The following ELP2 variants were observed in gnomAD, a reference collection of about 807,000 sequenced individuals.
ELP2 encodes elongator complex protein 2.
In ELP2, 90 loss-of-function variants were observed where a neutral mutation model predicts 119.2. That is an observed-to-expected ratio of 0.75 (90% CI 0.64 to 0.90). The LOEUF (loss-of-function observed/expected upper bound fraction) is 0.90, where lower values mean the gene tolerates loss of function less well. Ranked by LOEUF, ELP2 falls within the 40% of genes least tolerant of loss-of-function variation. The probability of loss-of-function intolerance (pLI) is 0.00; values close to 1 mark genes in which losing one functional copy is unlikely to be tolerated. For synonymous variants in ELP2, 339 were observed against 331.0 expected, an observed-to-expected ratio of 1.02 and a Z score of -0.26; for missense variants, 921 against 967.8, an observed-to-expected ratio of 0.95 and a Z score of 0.64.
chr18:36,163,049 C>T (rs2090787327), intron 17 of ELP2, among the ~76,000 whole-genome samples: 1 of 152,052 alleles, frequency 6.6e-6, no homozygotes, highest in Admixed American at 6.6e-5. Flanking sequence ...GTATTTCATT[C>T]CTCAACCCCT....
intron 12 of ELP2, among the ~76,000 whole-genome samples, chr18:36,155,957 G>A (rs774284302): frequency 6.6e-6 from 1 of 152,206 alleles, no homozygotes; most frequent in East Asian, 1.9e-4. Context: ...CTGTAGGGTA[G>A]GGCTATAGGT....
intron 12 of ELP2, among the ~76,000 whole-genome samples, chr18:36,156,078 ACTG>A (rs2090563550): frequency 6.6e-6 from 1 of 152,128 alleles, no homozygotes; most frequent in Non-Finnish European, 1.5e-5. Context: ...TAAACTTTGA[ACTG>A]CTATGTGGTA....
chr18:36,146,031 G>A lies in ELP2; in HGVS notation c.976G>A (p.Gly326Arg). 6.2e-7 allele frequency: 1 copy of A among 1,613,982 alleles called. No individual in the cohort carries two copies. Among genetic ancestry groups the A allele is most frequent in the Non-Finnish European group, 8.5e-7 (1 of 1,179,896 alleles). ...MILWAPDEES[G>R]VWLEQVRVGE... is the part of the protein sequence containing the mutation. ...TCTCTGGGCTCCAGATGAAGAGTCA[G>A]GAGTTTGGCTAGAACAGGTAAAAAT... The change falls in exon 10 of 22, where the codon GGA (glycine) becomes AGA (arginine). Residue 326 changes from glycine (G) to arginine (R), a missense_variant. Physicochemically the swap from Gly to Arg is moderately radical, Grantham distance 125. Transcript: ENST00000358232.
intron 17 of ELP2, among the ~76,000 whole-genome samples, chr18:36,162,542 T>C (rs1041455687): frequency 6.6e-6 from 1 of 152,216 alleles, no homozygotes; most frequent in African/African-American, 2.4e-5. Context: ...TATGTACAAA[T>C]CTTTGCATGG....
Position 36,159,985 on chromosome 18 carries a change from A to G in ELP2, c.1658A>G (p.Gln553Arg), listed in dbSNP as rs1452096232. The G allele has an allele frequency of 2.5e-6, 4 of 1,614,120 alleles. No homozygotes were observed. Among genetic ancestry groups the G allele is most frequent in the South Asian group, 2.2e-5 (2 of 91,082 alleles). ...TEPPTEDHLLQNTLWPEVQKL... is the reference protein window; with the variant it reads ...TEPPTEDHLLRNTLWPEVQKL... ...CCTCCCACTGAGGATCATCTTCTGC[A>G]GAATACTTTGTGGCCTGAAGTTCAA... is the stretch of plus-strand genomic sequence containing the variant. The change falls in exon 16 of 22, where the codon CAG (glutamine) becomes CGG (arginine). Residue 553 changes from glutamine (Q) to arginine (R), a missense_variant. Gln to Arg is a conservative substitution (Grantham distance 43). Coordinates refer to ENST00000358232, the MANE Select transcript of ELP2 (RefSeq NM_018255.4).
chr18:36,160,049 T>A lies in ELP2; in HGVS notation c.1688+34T>A, dbSNP rs759170002. On this transcript the variant is annotated intron_variant, in intron 16 of 21. Coordinates refer to ENST00000358232, the MANE Select transcript of ELP2 (RefSeq NM_018255.4). The stretch of plus-strand genomic sequence containing the variant: ...AACTGTATTTAGCTCTTTGGTCTGA[T>A]TCTGTCGTAACTTCTGACTTTTCCT... 31 of 1,607,530 alleles carry A rather than the reference T, an allele frequency of 1.9e-5. 1 individual carries two copies. The South Asian group carries it at 3.3e-4, about 17-fold the overall frequency.
rs2090725106 is a variant in ELP2 at position 36,161,062 on chromosome 18, CT to C, written c.1761+59del. Reference sequence around the variant, plus strand: ...ACAGGTTATTTGGGTCATCAGGCTCCTGCAAGTTTGGTAATGATTTAGGCAG... The same window carrying C: ...ACAGGTTATTTGGGTCATCAGGCTCCGCAAGTTTGGTAATGATTTAGGCAG... On this transcript the variant is annotated intron_variant, in intron 17 of 21. Coordinates refer to ENST00000358232, the MANE Select transcript of ELP2 (RefSeq NM_018255.4). The C allele has an allele frequency of 7.8e-6, 10 of 1,288,068 alleles. No individual in the cohort carries two copies. The Admixed American group carries it at 1.7e-4, about 22-fold the overall frequency. 79.8% of individuals were successfully genotyped at this position (1,288,068 alleles called of 1,614,324 possible).
At chr18:36,163,257 G>A (rs954347644) in intron 17 of ELP2, among the ~76,000 whole-genome samples, 4 of 115,460 alleles carry the variant, frequency 3.5e-5, no homozygotes, top group Admixed American at 8.9e-5. Context: ...TTTTATGGCC[G>A]AGTAGTAGTT....
intron 2 of ELP2, 50 bp downstream of exon 2, chr18:36,133,366 A>T: frequency 1.4e-6 from 2 of 1,406,220 alleles, no homozygotes; most frequent in Non-Finnish European, 2.0e-6. Context: ...TTCTGATAAA[A>T]TAAGGTTAGC....
intron 11 of ELP2, among the ~76,000 whole-genome samples, chr18:36,154,117 A>G (rs1438740301): frequency 1.6e-5 from 2 of 128,736 alleles, no homozygotes; most frequent in African/African-American, 6.0e-5. Flanking sequence ...TCACAGACTT[A>G]TCCATCAGAT....
intron 16 of ELP2, 74 bp from the exon 17 acceptor site, chr18:36,160,858 T>C (rs993146876): frequency 2.0e-5 from 20 of 1,002,446 alleles, no homozygotes; most frequent in Non-Finnish European, 3.2e-5. Context: ...TGTTATTCTT[T>C]TTACTTTCAA....
intron 15 of ELP2, 56 bp from the exon 16 acceptor site, chr18:36,159,902 A>G (rs889888876): frequency 2.1e-5 from 34 of 1,605,712 alleles, no homozygotes; most frequent in Non-Finnish European, 2.9e-5. Context: ...GCTGACCTAA[A>G]TAAGTGCTAT....
At position 36,133,897 on chromosome 18, in the gene ELP2, G is replaced by GT. The variant is rs57135329; in HGVS notation, c.217+611dup. Among the ~76,000 whole-genome samples the GT allele has an allele frequency of 4.0e-3, 241 of 60,808 alleles. 16 individuals are homozygous for GT. The highest frequency in any genetic ancestry group is 8.9e-3 in the African/African-American group (122 of 13,784). The allele number at this position is 60,808 out of a possible 152,430, so 39.9% of individuals were successfully genotyped here. A position where few individuals can be genotyped will look rare whatever the true frequency, so the allele number is the denominator to read the frequency against. On this transcript the variant is annotated intron_variant, in intron 2 of 21. Coordinates refer to ENST00000358232, the MANE Select transcript of ELP2 (RefSeq NM_018255.4). Reference sequence around the variant, plus strand: ...ACCACGCCTTTCTAGTTTTTTAGGGGTTTTTTTTTTTTTTTTTTTTTTTTT... The same window carrying GT: ...ACCACGCCTTTCTAGTTTTTTAGGGGTTTTTTTTTTTTTTTTTTTTTTTTTT...
rs1651455826 is a variant in ELP2 at position 36,167,165 on chromosome 18, G to A, written c.2019G>A (p.Trp673Ter). ...CTTCTGTGCACAGTAGAATTATTTGGTCTTGTGATTGGAGTCCTGACAGCA... is the reference window on the plus strand; with the variant it reads ...CTTCTGTGCACAGTAGAATTATTTGATCTTGTGATTGGAGTCCTGACAGCA... ...KITSVHSRII[W>*]SCDWSPDSKY... The change falls in exon 19 of 22, where the codon TGG (tryptophan) becomes TGA (stop). Residue 673 changes from tryptophan to a stop codon, truncating the protein, a stop_gained. Coordinates refer to ENST00000358232, the MANE Select transcript of ELP2 (RefSeq NM_018255.4). LOFTEE classifies it high-confidence loss of function. The A allele has an allele frequency of 6.3e-7, 1 of 1,599,502 alleles. No homozygotes were observed.
At position 36,179,687 on chromosome 18, in the gene ELP2, C is replaced by T. The variant is rs1454153843; in HGVS notation, c.*5046C>T. ...CGACACAGAGGGATGCAAAGGCAGC[C>T]TCTTCCTGCTCAGTGGAATAGGGAA... On this transcript the variant is annotated 3_prime_UTR_variant, in exon 22 of 22. Transcript: ENST00000358232. The T allele has an allele frequency of 6.6e-6, 1 of 152,192 alleles. No homozygotes were observed. The highest frequency in any genetic ancestry group is 2.4e-5 in the African/African-American group (1 of 41,440). The allele number at this position is 152,192 out of a possible 1,614,324, so 9.4% of individuals were successfully genotyped here. A position where few individuals can be genotyped will look rare whatever the true frequency, so the allele number is the denominator to read the frequency against.
Position 36,156,627 on chromosome 18 carries a change from A to G in ELP2, c.1437A>G (p.Gly479=). ...TGGAAAATTTTTGTGCCATTACAGG[A>G]CAATCACTGAATCATGTGCTCTGTA... ...NFVENFCAIT[G]QSLNHVLCNQ... is the part of the protein sequence containing the mutation. The change falls in exon 13 of 22, where the codon GGA becomes GGG. Residue 479 remains glycine (G), a synonymous_variant. Coordinates refer to ENST00000358232, the MANE Select transcript of ELP2 (RefSeq NM_018255.4). The G allele has an allele frequency of 3.1e-6, 5 of 1,614,138 alleles. No individual in the cohort carries two copies. Among genetic ancestry groups the G allele is most frequent in the African/African-American group, 1.3e-5 (1 of 75,068 alleles).
chr18:36,149,491 T>TG lies in ELP2; in HGVS notation c.1125+3110_1125+3111insG, dbSNP rs1179521880. 2.7e-5 allele frequency among the ~76,000 whole-genome samples: 4 copies of TG among 146,806 alleles called. No individual in the cohort carries two copies. In the East Asian group the frequency reaches 7.9e-4, roughly 29 times the overall value. On this transcript the variant is annotated intron_variant, in intron 11 of 21. Coordinates refer to ENST00000358232, the MANE Select transcript of ELP2 (RefSeq NM_018255.4). ...GCAGGGTTTTTTGTTTTGTTTTGTT[T>TG]TTTTTTTTTTTGCTTAGAAATCATC...
chr18:36,154,210 CA>C (rs1008497707), intron 11 of ELP2, among the ~76,000 whole-genome samples: 2 of 151,714 alleles, frequency 1.3e-5, no homozygotes, highest in Admixed American at 6.6e-5. Flanking sequence ...TGAGGTTGTT[CA>C]AAAAGGTGCT....
At position 36,145,030 on chromosome 18, in the gene ELP2, CA is replaced by C; in HGVS notation, c.891del (p.Asp298MetfsTer8). The C allele has an allele frequency of 6.2e-7, 1 of 1,612,712 alleles. No homozygotes were observed. Among genetic ancestry groups the C allele is most frequent in the Non-Finnish European group, 8.5e-7 (1 of 1,178,748 alleles). Reference protein sequence around the residue: ...NAVHWQPVFYKDGVLQQPVRL... With the variant: ...NAVHWQPVFYXDGVLQQPVRL... ...CAGTTCACTGGCAACCTGTGTTTTA[CA>C]AAGGTAGGAAGAAAACCATACACAT... On this transcript the variant is annotated frameshift_variant, in exon 9 of 22. Transcript: ENST00000358232. LOFTEE classifies it high-confidence loss of function.
Sources: allele counts gnomAD v4.1 joint callset (sites outside exome capture counted in the v4.1 genomes callset), GRCh38; gene constraint gnomAD v4.1.1; transcripts MANE v1.5; gene names NCBI Gene and HGNC (gene_info 2026-07-23, HGNC 2026-07-21).